LMAN1: variants seen among roughly 807,000 people sequenced by gnomAD.
LMAN1 encodes lectin, mannose binding 1.
Under a neutral mutation model 67.8 loss-of-function variants are expected in LMAN1, and 32 were observed. The observed-to-expected ratio is 0.47, with a 90% confidence interval of 0.36 to 0.63. The LOEUF (loss-of-function observed/expected upper bound fraction) is 0.63. Among genes scored for constraint, LMAN1 ranks in the 30% least tolerant of loss-of-function variants. The pLI is 0.00. For synonymous variants in LMAN1, 235 were observed against 219.3 expected, an observed-to-expected ratio of 1.07 and a Z score of -0.63; for missense variants, 632 against 628.2, an observed-to-expected ratio of 1.01 and a Z score of -0.06.
chr18:59,350,522 T>C (rs1182387082), intron 5 of LMAN1, among the ~76,000 whole-genome samples: 1 of 152,156 alleles, frequency 6.6e-6, no homozygotes, highest in Non-Finnish European at 1.5e-5. Context: ...TGAGACAGGG[T>C]CTCGCTCTGT....
At position 59,355,429 on chromosome 18, in the gene LMAN1, A is replaced by T; in HGVS notation, c.370-9T>A. 1 of 1,614,006 alleles carries T rather than the reference A, an allele frequency of 6.2e-7. No homozygotes were observed. Among genetic ancestry groups the T allele is most frequent in the South Asian group, 1.1e-5 (1 of 91,078 alleles). ...TCTGCATACCAAATTGCCTGAAAAT[A>T]TGTAATAGGGAACAGTTAGAGGCTA... On this transcript the variant is annotated splice_polypyrimidine_tract_variant and intron_variant, in intron 2 of 12. Transcript: ENST00000251047.
At chr18:59,331,343 T>C (rs1192809879) in intron 12 of LMAN1, 75 bp downstream of exon 12, 22 of 1,414,690 alleles carry the variant, frequency 1.6e-5, no homozygotes, top group Non-Finnish European at 1.6e-5. Context: ...ATTATGAACA[T>C]AGATAACTTA....
At chr18:59,348,093 A>C (rs1419362343) in intron 6 of LMAN1, among the ~76,000 whole-genome samples, 1 of 152,232 alleles carries the variant, frequency 6.6e-6, no homozygotes, top group Non-Finnish European at 1.5e-5. Context: ...GATATTAATA[A>C]TTTTATCTTA....
intron 8 of LMAN1, among the ~76,000 whole-genome samples, chr18:59,339,734 T>C (rs937430924): frequency 6.6e-6 from 1 of 152,112 alleles, no homozygotes; most frequent in Non-Finnish European, 1.5e-5. Context: ...GTCACTCCCA[T>C]GCACCCCTAG....
rs537474240 is a variant in LMAN1 at position 59,353,238 on chromosome 18, G to T, written c.603C>A (p.Val201=). The change falls in exon 5 of 13, where the codon GTC becomes GTA. Residue 201 remains valine (V), a synonymous_variant. Coordinates refer to ENST00000251047, the MANE Select transcript of LMAN1 (RefSeq NM_005570.4). ...QRDFRNKPYP[V]RAKITYYQNT... Reference sequence around the variant, plus strand: ...TCTGGTAATAGGTAATCTTTGCTCGGACAGGATAGGGTTTGTTGCGGAAGT... The same window carrying T: ...TCTGGTAATAGGTAATCTTTGCTCGTACAGGATAGGGTTTGTTGCGGAAGT... 1 of 1,614,002 alleles carries T rather than the reference G, an allele frequency of 6.2e-7. No homozygotes were observed. The highest frequency in any genetic ancestry group is 1.7e-5 in the Admixed American group (1 of 60,022).
chr18:59,335,599 G>A (rs1161893162), intron 10 of LMAN1, among the ~76,000 whole-genome samples: 3 of 152,164 alleles, frequency 2.0e-5, no homozygotes, highest in Admixed American at 1.3e-4. Context: ...GGATGAAGAA[G>A]CGATATACAC....
intron 8 of LMAN1, among the ~76,000 whole-genome samples, chr18:59,342,669 T>G (rs1023380838): frequency 6.6e-6 from 1 of 151,868 alleles, no homozygotes; most frequent in African/African-American, 2.4e-5. Context: ...AGGCCACATA[T>G]GACAAACCCA....
chr18:59,344,559 A>G (rs962783569), intron 8 of LMAN1, among the ~76,000 whole-genome samples: 1 of 152,184 alleles, frequency 6.6e-6, no homozygotes, highest in Admixed American at 6.5e-5. Flanking sequence ...AATGACTTAG[A>G]AAGTCAAATA....
At chr18:59,355,723 C>CA in intron 1 of LMAN1, 65 bp from the exon 2 acceptor site, 5 of 1,534,270 alleles carry the variant, frequency 3.3e-6, no homozygotes, top group Non-Finnish European at 4.5e-6. Context: ...TGATCATTTC[C>CA]AAACTGCTAA....
chr18:59,349,600 G>A (rs1225846007), intron 5 of LMAN1, among the ~76,000 whole-genome samples: 4 of 152,094 alleles, frequency 2.6e-5, no homozygotes, highest in Admixed American at 2.0e-4. Context: ...AAAACCAAGA[G>A]GTTAAATTTA....
chr18:59,331,733 C>T (rs980097160), intron 11 of LMAN1, 194 bp from the exon 12 acceptor site: 24 of 556,648 alleles, frequency 4.3e-5, no homozygotes, highest in Non-Finnish European at 7.0e-5. Flanking sequence ...GGAAGGCCTC[C>T]ACCTTTTTAC....
rs762661354 is a variant in LMAN1 at position 59,331,519 on chromosome 18, T to C, written c.1395A>G (p.Lys465=). The C allele has an allele frequency of 6.2e-7, 1 of 1,613,332 alleles. No homozygotes were observed. Among genetic ancestry groups the C allele is most frequent in the East Asian group, 2.2e-5 (1 of 44,846 alleles). ...QRNMPSNEKP[K]CPELPPFPSC... is the part of the protein sequence containing the mutation. The stretch of plus-strand genomic sequence containing the variant: ...ATGGAAATGGTGGTAGTTCTGGGCA[T>C]TTCGGCTTTTCATTTGATGGCTGTA... Residue 465 remains lysine, a synonymous_variant, in exon 12 of 13, where the codon AAA becomes AAG. Coordinates refer to ENST00000251047, the MANE Select transcript of LMAN1 (RefSeq NM_005570.4).
chr18:59,342,669 T>A (rs1023380838), intron 8 of LMAN1, among the ~76,000 whole-genome samples: 1 of 151,868 alleles, frequency 6.6e-6, no homozygotes, highest in African/African-American at 2.4e-5. Context: ...AGGCCACATA[T>A]GACAAACCCA....
At chr18:59,359,005 G>A in intron 1 of LMAN1, 26 bp downstream of exon 1, 9 of 1,606,368 alleles carry the variant, frequency 5.6e-6, no homozygotes, top group Non-Finnish European at 7.7e-6. Context: ...GAGGAACCCG[G>A]CCCCCAGCCC....
intron 3 of LMAN1, 57 bp downstream of exon 3, chr18:59,355,256 G>T: frequency 1.6e-6 from 2 of 1,285,858 alleles, no homozygotes; most frequent in Non-Finnish European, 2.2e-6. Context: ...ATTTCTCACA[G>T]CCTAACTCTG....
intron 7 of LMAN1, 28 bp downstream of exon 7, chr18:59,347,485 A>C (rs749742419): frequency 6.4e-7 from 1 of 1,573,248 alleles, no homozygotes; most frequent in Non-Finnish European, 8.7e-7. Context: ...TAAACTGATA[A>C]AGTTTTTGAA....
In LMAN1 at chr18:59,331,134, T is replaced by C. The variant is rs1261127027; in HGVS notation, c.1497-5A>G. The C allele has an allele frequency of 1.2e-6, 2 of 1,610,478 alleles. No individual in the cohort carries two copies. Among genetic ancestry groups the C allele is most frequent in the Non-Finnish European group, 1.7e-6 (2 of 1,177,612 alleles). On this transcript the variant is annotated splice_region_variant and splice_polypyrimidine_tract_variant and intron_variant, in intron 12 of 12. Coordinates refer to ENST00000251047, the MANE Select transcript of LMAN1 (RefSeq NM_005570.4). ...GCAGCTGCTTCTTGCTGAGACCTAA[T>C]GAAAAAAAGAAACAAACACTTAAAG...
chr18:59,339,049 T>C, intron 8 of LMAN1, 96 bp from the exon 9 acceptor site: 2 of 902,004 alleles, frequency 2.2e-6, no homozygotes, highest in Non-Finnish European at 3.6e-6. Context: ...TCAGCAAAAT[T>C]AGGACATCAC....
intron 1 of LMAN1, among the ~76,000 whole-genome samples, chr18:59,358,003 A>G (rs960530958): frequency 3.3e-5 from 5 of 151,794 alleles, no homozygotes; most frequent in African/African-American, 1.2e-4. Context: ...ACACACAAAG[A>G]TAGAATTCAA....
Sources: allele counts gnomAD v4.1 joint callset (sites outside exome capture counted in the v4.1 genomes callset), GRCh38; gene constraint gnomAD v4.1.1; transcripts MANE v1.5; gene names NCBI Gene and HGNC (gene_info 2026-07-23, HGNC 2026-07-21).